Variants in GALNT13 observed in about 807,000 individuals in gnomAD.
GALNT13 encodes the protein polypeptide N-acetylgalactosaminyltransferase 13, also known as UDP-GalNAc:polypeptide N-acetylgalactosaminyltransferase 13.
In GALNT13, 28 loss-of-function variants were observed where a neutral mutation model predicts 64.2. The ratio of observed to expected loss-of-function variants is 0.44; its 90% CI spans 0.32 to 0.60. The LOEUF is 0.60. Among genes scored for constraint, GALNT13 ranks in the 20% least tolerant of loss-of-function variants. GALNT13 has a pLI of 0.05. For missense variants in GALNT13, 577 were observed against 669.8 expected (o/e 0.86, Z 1.53); for synonymous variants, 214 against 224.6 (o/e 0.95, Z 0.42).
chr2:153,685,571 G>T, the GALNT13 span, among the ~76,000 whole-genome samples: 1 of 152,000 alleles, frequency 6.6e-6, no homozygotes, highest in Admixed American at 6.6e-5. Context: ...TTAGACCTGT[G>T]TTGGATGCAT....
At chr2:153,416,961 G>A in the GALNT13 span, among the ~76,000 whole-genome samples, 121,597 of 152,114 alleles carry the variant, frequency 0.8, 49,589 homozygotes, top group African/African-American at 0.87. Context: ...TGAGCATATC[G>A]CATGGGAATG....
At chr2:154,130,154 C>A (rs1010146102) in intron 3 of GALNT13, among the ~76,000 whole-genome samples, 1 of 152,152 alleles carries the variant, frequency 6.6e-6, no homozygotes, top group South Asian at 2.1e-4. Context: ...TAAGGTACTC[C>A]CTGTGAAATT....
At chr2:153,943,744 C>G (rs928856656) in intron 2 of GALNT13, among the ~76,000 whole-genome samples, 1 of 152,196 alleles carries the variant, frequency 6.6e-6, no homozygotes, top group African/African-American at 2.4e-5. Context: ...ATCCGCCTGC[C>G]TCGATCTCTC....
At chr2:153,832,181 T>C in the GALNT13 span, among the ~76,000 whole-genome samples, 6 of 152,104 alleles carry the variant, frequency 3.9e-5, no homozygotes, top group African/African-American at 2.4e-5. Context: ...TGTATCACAA[T>C]TGACATTCAC....
chr2:153,468,165 C>G, the GALNT13 span, among the ~76,000 whole-genome samples: 1 of 151,878 alleles, frequency 6.6e-6, no homozygotes, highest in African/African-American at 2.4e-5. Flanking sequence ...CTTTCTGAAC[C>G]ATGGAATCAT....
chr2:153,744,137 T>C, the GALNT13 span, among the ~76,000 whole-genome samples: 1 of 152,176 alleles, frequency 6.6e-6, no homozygotes, highest in South Asian at 2.1e-4. Context: ...GCAATAAACA[T>C]GGGAGTATAG....
chr2:153,396,211 C>T, the GALNT13 span, among the ~76,000 whole-genome samples: 1 of 152,046 alleles, frequency 6.6e-6, no homozygotes, highest in South Asian at 2.1e-4. Flanking sequence ...CATGTTTTGA[C>T]TTATATTGTA....
intron 3 of GALNT13, among the ~76,000 whole-genome samples, chr2:154,007,835 A>C (rs13425720): frequency 0.2 from 31,047 of 151,760 alleles, 4,428 homozygotes; most frequent in Middle Eastern, 0.33. Context: ...TCAGGGACAA[A>C]ATTGTTTCCA....
the GALNT13 span, among the ~76,000 whole-genome samples, chr2:153,708,320 C>A: frequency 6.6e-6 from 1 of 152,088 alleles, no homozygotes; most frequent in Non-Finnish European, 1.5e-5. Flanking sequence ...TTCTCCCAGG[C>A]AATTCTACTT....
intron 3 of GALNT13, among the ~76,000 whole-genome samples, chr2:154,032,864 CTTTTTT>C (rs70981694): frequency 1.3e-3 from 144 of 110,094 alleles, no homozygotes; most frequent in Middle Eastern, 0.013. Context: ...CCTACATTTC[CTTTTTT>C]TTTTTTTTTT....
intron 3 of GALNT13, among the ~76,000 whole-genome samples, chr2:153,963,092 A>T (rs1693052836): frequency 2.0e-5 from 3 of 152,148 alleles, no homozygotes; most frequent in Admixed American, 1.3e-4. Context: ...TGCAAGCAGG[A>T]TTGTTTTCTG....
chr2:153,406,054 C>T, the GALNT13 span, among the ~76,000 whole-genome samples: 1 of 152,332 alleles, frequency 6.6e-6, no homozygotes, highest in East Asian at 1.9e-4. Context: ...TAAAGACAAA[C>T]TGTTACAAGA....
intron 4 of GALNT13, among the ~76,000 whole-genome samples, chr2:154,200,733 C>T (rs1687126983): frequency 6.6e-6 from 1 of 152,116 alleles, no homozygotes; most frequent in Non-Finnish European, 1.5e-5. Flanking sequence ...CATACCTGAT[C>T]ACCTCTTACA....
chr2:153,648,268 G>A, the GALNT13 span, among the ~76,000 whole-genome samples: 7 of 152,104 alleles, frequency 4.6e-5, no homozygotes, highest in African/African-American at 1.7e-4. Flanking sequence ...TTCTCTGTTT[G>A]TCTGATATTG....
At chr2:153,403,187 G>A in the GALNT13 span, among the ~76,000 whole-genome samples, 28 of 150,430 alleles carry the variant, frequency 1.9e-4, 1 homozygote, top group East Asian at 3.6e-3. Flanking sequence ...GTACCCTGCC[G>A]TGTGAGGTGT....
chr2:153,431,162 A>AC, the GALNT13 span, among the ~76,000 whole-genome samples: 3 of 151,828 alleles, frequency 2.0e-5, no homozygotes, highest in African/African-American at 7.3e-5. Context: ...AAAAAAAAAA[A>AC]CAAAAAAAGT....
At chr2:153,955,729 G>A (rs1692518736) in intron 3 of GALNT13, among the ~76,000 whole-genome samples, 1 of 152,194 alleles carries the variant, frequency 6.6e-6, no homozygotes, top group African/African-American at 2.4e-5. Flanking sequence ...CAAGCCAGAG[G>A]TGGAAGAAAA....
chr2:154,454,846 T>C (rs1046979900), downstream of GALNT13, among the ~76,000 whole-genome samples: 2 of 152,142 alleles, frequency 1.3e-5, no homozygotes, highest in African/African-American at 2.4e-5. Flanking sequence ...GCCTTTTCAG[T>C]AGTAACTAAT....
chr2:153,547,296 C>T, the GALNT13 span, among the ~76,000 whole-genome samples: 1 of 152,178 alleles, frequency 6.6e-6, no homozygotes, highest in Non-Finnish European at 1.5e-5. Flanking sequence ...ACAGCTCCTT[C>T]AAGGTTGTAC....
Sources: allele counts gnomAD v4.1 joint callset (sites outside exome capture counted in the v4.1 genomes callset), GRCh38; gene constraint gnomAD v4.1.1; transcripts MANE v1.5; gene names NCBI Gene and HGNC (gene_info 2026-07-23, HGNC 2026-07-21).